Variants in CCDC80 observed in about 807,000 individuals in gnomAD.
CCDC80 encodes the protein coiled-coil domain containing 80.
Under a neutral mutation model 78.7 loss-of-function variants are expected in CCDC80, and 49 were observed. That is an observed-to-expected ratio of 0.62 (90% confidence interval 0.50 to 0.79). CCDC80 has a LOEUF of 0.79. CCDC80 is among the 30% of genes least tolerant of loss of function. The pLI is 0.00. For synonymous variants in CCDC80, 488 were observed against 447.0 expected, an observed-to-expected ratio of 1.09 and a Z score of -1.16; for missense variants, 1,205 against 1,198.6, an observed-to-expected ratio of 1.01 and a Z score of -0.08.
rs2101632 is a variant in CCDC80, at chr3:112,602,576, C to T, written c.*2841G>A. The T allele has an allele frequency of 0.24, 37,051 of 152,172 alleles. 8,620 individuals are homozygous for T. Among genetic ancestry groups the T allele is most frequent in the African/African-American group, 0.6 (24,974 of 41,480 alleles). The allele number at this position is 152,172 out of a possible 1,614,324, so 9.4% of individuals were successfully genotyped here. A position where few individuals can be genotyped will look rare whatever the true frequency, so the allele number is the denominator to read the frequency against. ...ATGATAAAAAAGTAAAACAGCCTTA[C>T]TGCTGATATGGAGAAACTTTGAGTC... On this transcript the variant is annotated 3_prime_UTR_variant, in exon 8 of 8. Transcript: ENST00000206423.
In CCDC80 at chr3:112,639,006, T is replaced by A. The variant is rs1404428978; in HGVS notation, c.900A>T (p.Gly300=). Residue 300 remains glycine, a synonymous_variant, in exon 2 of 8, where the codon GGA becomes GGT. Coordinates refer to ENST00000206423, the MANE Select transcript of CCDC80 (RefSeq NM_199511.3). ...VVAEGNDGGG[G]AGRPSLGSEK... ...CGCTGCCCAGGCTTGGCCTTCCTGC[T>A]CCCCCTCCACCGTCATTCCCCTCCG... The A allele has an allele frequency of 6.2e-7, 1 of 1,610,668 alleles. No individual in the cohort carries two copies. The highest frequency in any genetic ancestry group is 1.3e-5 in the African/African-American group (1 of 74,776).
chr3:112,633,559 C>A (rs9858844), intron 2 of CCDC80, among the ~76,000 whole-genome samples: 110,337 of 152,126 alleles, frequency 0.73, 41,723 homozygotes, highest in Non-Finnish European at 0.84. Context: ...AACACTCCTC[C>A]GGTTATATAG....
chr3:112,597,171 T>G lies in CCDC80; in HGVS notation c.*8246A>C, dbSNP rs1396781353. On this transcript the variant is annotated 3_prime_UTR_variant, in exon 8 of 8. Coordinates refer to ENST00000206423, the MANE Select transcript of CCDC80 (RefSeq NM_199511.3). ...CCTTATCTTGGCCCAAAGACAAAAC[T>G]GGACATTCTGATGACCCCAGAGATT... 1 of 152,190 alleles carries G rather than the reference T, an allele frequency of 6.6e-6. No individual in the cohort carries two copies. The highest frequency in any genetic ancestry group is 2.4e-5 in the African/African-American group (1 of 41,452). 9.4% of individuals were successfully genotyped at this position (152,190 alleles called of 1,614,324 possible). A position where few individuals can be genotyped will look rare whatever the true frequency, so the allele number is the denominator to read the frequency against.
At position 112,601,989 on chromosome 3, in the gene CCDC80, A is replaced by G. The variant is rs1935383937; in HGVS notation, c.*3428T>C. The G allele has an allele frequency of 6.6e-6, 1 of 152,108 alleles. No individual in the cohort carries two copies. Among genetic ancestry groups the G allele is most frequent in the African/African-American group, 2.4e-5 (1 of 41,408 alleles). The allele number at this position is 152,108 out of a possible 1,614,324, so 9.4% of individuals were successfully genotyped here. A position where few individuals can be genotyped will look rare whatever the true frequency, so the allele number is the denominator to read the frequency against. Reference sequence around the variant, plus strand: ...TTTTATTATACTTCTCAGATACTGCATTTTTTACAAATTGAAGGTTTGTGG... The same window carrying G: ...TTTTATTATACTTCTCAGATACTGCGTTTTTTACAAATTGAAGGTTTGTGG... On this transcript the variant is annotated 3_prime_UTR_variant, in exon 8 of 8. Transcript: ENST00000206423.
chr3:112,618,427 T>C (rs528083669), intron 4 of CCDC80, among the ~76,000 whole-genome samples: 1 of 152,176 alleles, frequency 6.6e-6, no homozygotes, highest in South Asian at 2.1e-4. Flanking sequence ...CTCGGGAGGA[T>C]GAGGCAGGAG....
rs1043208650 is a variant in CCDC80 at position 112,604,285 on chromosome 3, T to C, written c.*1132A>G. The stretch of plus-strand genomic sequence containing the variant: ...TACAGCATCACATGCTGCAGAGAAA[T>C]CTTTCATGAAGAAAAAGTCAATCGA... On this transcript the variant is annotated 3_prime_UTR_variant, in exon 8 of 8. Coordinates refer to ENST00000206423, the MANE Select transcript of CCDC80 (RefSeq NM_199511.3). 1 of 152,154 alleles carries C rather than the reference T, an allele frequency of 6.6e-6. No homozygotes were observed. Among genetic ancestry groups the C allele is most frequent in the Non-Finnish European group, 1.5e-5 (1 of 68,034 alleles). The allele number at this position is 152,154 out of a possible 1,614,324, so 9.4% of individuals were successfully genotyped here.
At chr3:112,624,344 T>A (rs1435909692) in intron 3 of CCDC80, among the ~76,000 whole-genome samples, 1 of 152,226 alleles carries the variant, frequency 6.6e-6, no homozygotes, top group African/African-American at 2.4e-5. Context: ...AAAACTCTCT[T>A]GGTTGTGCTT....
intron 7 of CCDC80, among the ~76,000 whole-genome samples, chr3:112,606,938 A>G (rs1935524654): frequency 6.6e-6 from 1 of 152,046 alleles, no homozygotes. Flanking sequence ...AAAAATGGAT[A>G]TTTTTACTGT....
At chr3:112,629,793 T>A (rs1936059375) in intron 3 of CCDC80, among the ~76,000 whole-genome samples, 1 of 152,182 alleles carries the variant, frequency 6.6e-6, no homozygotes, top group Admixed American at 6.5e-5. Flanking sequence ...GCGAGAAGAC[T>A]CAGTACCCAG....
chr3:112,636,163 G>A (rs184839543), intron 2 of CCDC80, among the ~76,000 whole-genome samples: 2 of 152,330 alleles, frequency 1.3e-5, no homozygotes, highest in East Asian at 1.9e-4. Flanking sequence ...CTCAGGAGGA[G>A]AGCACTGGAG....
chr3:112,610,254 C>A, intron 5 of CCDC80, 173 bp from the exon 6 acceptor site: 1 of 631,520 alleles, frequency 1.6e-6, no homozygotes, highest in Non-Finnish European at 2.8e-6. Context: ...CATTGCTACA[C>A]TCCTGTAGTT....
Position 112,597,429 on chromosome 3 carries a change from G to A in CCDC80, c.*7988C>T, listed in dbSNP as rs1469451734. On this transcript the variant is annotated 3_prime_UTR_variant, in exon 8 of 8. Coordinates refer to ENST00000206423, the MANE Select transcript of CCDC80 (RefSeq NM_199511.3). ...TTCTTCACGTTGGAATGGTGAATAG[G>A]TACACATTTCTCAAAGCTCAAAGTG... The A allele has an allele frequency of 1.3e-5, 2 of 152,012 alleles. No individual in the cohort carries two copies. The highest frequency in any genetic ancestry group is 2.4e-5 in the African/African-American group (1 of 41,384). 9.4% of individuals were successfully genotyped at this position (152,012 alleles called of 1,614,324 possible).
chr3:112,620,914 T>C (rs1016279300), intron 3 of CCDC80, among the ~76,000 whole-genome samples: 2 of 152,230 alleles, frequency 1.3e-5, no homozygotes, highest in East Asian at 1.9e-4. Flanking sequence ...ATTGGTTCTG[T>C]GCTGAGTGCT....
chr3:112,619,655 T>A (rs1559877683), intron 3 of CCDC80, among the ~76,000 whole-genome samples: 1 of 152,236 alleles, frequency 6.6e-6, no homozygotes, highest in Non-Finnish European at 1.5e-5. Flanking sequence ...AGTCAAGCTA[T>A]TCATAATGCA....
intron 3 of CCDC80, among the ~76,000 whole-genome samples, chr3:112,628,263 G>T (rs539343866): frequency 7.7e-4 from 117 of 152,220 alleles, no homozygotes; most frequent in African/African-American, 2.8e-3. Flanking sequence ...CAATAAATAC[G>T]TGGCTTTGTA....
intron 3 of CCDC80, among the ~76,000 whole-genome samples, chr3:112,621,281 C>T (rs1473463085): frequency 6.6e-6 from 1 of 152,164 alleles, no homozygotes; most frequent in Admixed American, 6.5e-5. Flanking sequence ...CTTGCTTCTG[C>T]CATTGCCATG....
At chr3:112,629,092 C>T (rs960102614) in intron 3 of CCDC80, among the ~76,000 whole-genome samples, 1 of 151,952 alleles carries the variant, frequency 6.6e-6, no homozygotes, top group Non-Finnish European at 1.5e-5. Flanking sequence ...TTCAATTACA[C>T]CAAGATCGTA....
In CCDC80 at chr3:112,602,296, T is replaced by G. The variant is rs1261177844; in HGVS notation, c.*3121A>C. On this transcript the variant is annotated 3_prime_UTR_variant, in exon 8 of 8. Transcript: ENST00000206423. ...CAATCTTTCTCCTTCTTCTCAGGCCTCCTTAGTCCCTGAGACACAATATTG... is the reference window on the plus strand; with the variant it reads ...CAATCTTTCTCCTTCTTCTCAGGCCGCCTTAGTCCCTGAGACACAATATTG... 3 of 152,224 alleles carry G rather than the reference T, an allele frequency of 2.0e-5. No homozygotes were observed. The highest frequency in any genetic ancestry group is 2.0e-4 in the Admixed American group (3 of 15,280). 9.4% of individuals were successfully genotyped at this position (152,224 alleles called of 1,614,324 possible). A position where few individuals can be genotyped will look rare whatever the true frequency, so the allele number is the denominator to read the frequency against.
chr3:112,607,260 A>G lies in CCDC80; in HGVS notation c.2426-4T>C, dbSNP rs1439750628. On this transcript the variant is annotated splice_region_variant and splice_polypyrimidine_tract_variant and intron_variant, in intron 6 of 7. Transcript: ENST00000206423. ...AGAATGGTTATGTGGCGCAGACCTGAGAGAAAAAAGAAAACCATAGGATTA... is the reference window on the plus strand; with the variant it reads ...AGAATGGTTATGTGGCGCAGACCTGGGAGAAAAAAGAAAACCATAGGATTA... 1 of 1,607,636 alleles carries G rather than the reference A, an allele frequency of 6.2e-7. No individual in the cohort carries two copies. The highest frequency in any genetic ancestry group is 1.1e-5 in the South Asian group (1 of 89,504).
Sources: allele counts gnomAD v4.1 joint callset (sites outside exome capture counted in the v4.1 genomes callset), GRCh38; gene constraint gnomAD v4.1.1; transcripts MANE v1.5; gene names NCBI Gene and HGNC (gene_info 2026-07-23, HGNC 2026-07-21).